The following CDYL variants were observed in gnomAD, a reference collection of about 807,000 sequenced individuals.
CDYL encodes the protein chromodomain Y like.
CDYL carries 8 observed loss-of-function variants against 47.3 expected under a neutral mutation model. The ratio of observed to expected loss-of-function variants is 0.17; its 90% confidence interval spans 0.10 to 0.31. The LOEUF (loss-of-function observed/expected upper bound fraction) is 0.31. CDYL is among the 10% of genes least tolerant of loss of function. The pLI, the probability that CDYL is intolerant of heterozygous loss-of-function variation, is 1.00. For synonymous variants in CDYL, 266 were observed against 265.0 expected (o/e 1.00, Z -0.04); for missense variants, 471 against 701.4 (o/e 0.67, Z 3.71).
intron 1 of CDYL, among the ~76,000 whole-genome samples, chr6:4,874,859 C>T (rs148562043): frequency 2.6e-5 from 4 of 152,158 alleles, no homozygotes; most frequent in Admixed American, 2.0e-4. Context: ...AGCATGGTGA[C>T]GTTTGGATTC....
At chr6:4,844,529 C>G (rs745894576) in intron 1 of CDYL, among the ~76,000 whole-genome samples, 5 of 152,196 alleles carry the variant, frequency 3.3e-5, no homozygotes, top group Admixed American at 1.3e-4. Context: ...CTGCTCTGTC[C>G]GTCCGAGTGG....
chr6:4,776,746 C>G lies in CDYL; in HGVS notation c.-38C>G, dbSNP rs762331792. ...GGCCGCCCGGCGCCGGCGCCCGCCC[C>G]GACCCTGCCCCTCCCGCCCGCAACT... On this transcript the variant is annotated 5_prime_UTR_variant, in exon 1 of 7. Coordinates refer to ENST00000397588, the MANE Select transcript of CDYL (RefSeq NM_004824.4). The G allele has an allele frequency of 1.2e-5, 14 of 1,161,072 alleles. No homozygotes were observed. Among genetic ancestry groups the G allele is most frequent in the South Asian group, 5.7e-5 (4 of 70,320 alleles). 71.9% of individuals were successfully genotyped at this position (1,161,072 alleles called of 1,614,324 possible).
intron 1 of CDYL, among the ~76,000 whole-genome samples, chr6:4,859,370 C>T (rs930280381): frequency 1.3e-5 from 2 of 151,994 alleles, no homozygotes; most frequent in African/African-American, 2.4e-5. Flanking sequence ...GTCAGCTGCC[C>T]GGGGTGCCTT....
chr6:4,831,169 G>A (rs1057470646), intron 1 of CDYL, among the ~76,000 whole-genome samples: 1 of 152,142 alleles, frequency 6.6e-6, no homozygotes, highest in Non-Finnish European at 1.5e-5. Context: ...GATCCCTGAG[G>A]AATTAATGCC....
intron 1 of CDYL, among the ~76,000 whole-genome samples, chr6:4,872,834 GTC>G (rs1761513309): frequency 1.3e-5 from 2 of 152,126 alleles, no homozygotes; most frequent in South Asian, 4.1e-4. Flanking sequence ...GTTCATCTTG[GTC>G]TCTATCCATT....
chr6:4,797,495 G>A (rs1369746878), intron 1 of CDYL, among the ~76,000 whole-genome samples: 3 of 150,802 alleles, frequency 2.0e-5, no homozygotes, highest in African/African-American at 7.3e-5. Flanking sequence ...TAGTTCACTG[G>A]TTTTTAGTGT....
intron 1 of CDYL, among the ~76,000 whole-genome samples, chr6:4,844,359 C>T (rs1222973028): frequency 3.3e-5 from 5 of 152,088 alleles, no homozygotes; most frequent in African/African-American, 7.2e-5. Context: ...CTAGAGCTCC[C>T]GGGAGATTAT....
chr6:4,736,659 C>CA (rs1554132867), intron 3 of CDYL, among the ~76,000 whole-genome samples: 2 of 144,612 alleles, frequency 1.4e-5, no homozygotes. Flanking sequence ...TGCTACTCAG[C>CA]TTTTTTTTTT....
At position 4,811,507 on chromosome 6, in the gene CDYL, A is replaced by G. The variant is rs116114668; in HGVS notation, c.24+34700A>G. 7.1e-3 allele frequency among the ~76,000 whole-genome samples: 1,079 copies of G among 152,302 alleles called. 12 individuals are homozygous for G. The highest frequency in any genetic ancestry group is 0.025 in the African/African-American group (1,044 of 41,556). On this transcript the variant is annotated intron_variant, in intron 1 of 6. Transcript: ENST00000397588. ...CTAGTTGGCCCTCTCTGTACTTAAC[A>G]TCATGAGGCTCCTAGAATTTAGTAA...
intron 3 of CDYL, among the ~76,000 whole-genome samples, chr6:4,761,910 T>C (rs4502986): frequency 0.18 from 26,791 of 152,140 alleles, 3,260 homozygotes; most frequent in African/African-American, 0.34. Flanking sequence ...GGAAAAGCAT[T>C]TTAAGAATCT....
At chr6:4,785,031 T>C (rs950778603) in intron 1 of CDYL, among the ~76,000 whole-genome samples, 3 of 152,202 alleles carry the variant, frequency 2.0e-5, no homozygotes, top group African/African-American at 4.8e-5. Context: ...CTTTATAAAT[T>C]ACCCGGTCTC....
At chr6:4,711,123 T>C (rs1411114032) in intron 1 of CDYL, among the ~76,000 whole-genome samples, 1 of 152,166 alleles carries the variant, frequency 6.6e-6, no homozygotes, top group Non-Finnish European at 1.5e-5. Context: ...CACCAGTCCA[T>C]GCACTTGTCT....
chr6:4,940,180 A>G (rs1758323566), intron 4 of CDYL, among the ~76,000 whole-genome samples: 1 of 152,054 alleles, frequency 6.6e-6, no homozygotes, highest in African/African-American at 2.4e-5. Context: ...CACTCTCCCT[A>G]CTCCACACAA....
chr6:4,851,108 G>A (rs1174673387), intron 1 of CDYL, among the ~76,000 whole-genome samples: 12 of 152,158 alleles, frequency 7.9e-5, no homozygotes, highest in Admixed American at 5.9e-4. Flanking sequence ...TGGCCTACAC[G>A]TTCCCTTTCA....
At chr6:4,823,906 C>A (rs1447483442) in intron 1 of CDYL, among the ~76,000 whole-genome samples, 1 of 152,212 alleles carries the variant, frequency 6.6e-6, no homozygotes, top group African/African-American at 2.4e-5. Context: ...TTCCCCCAGT[C>A]CCTGGAAATC....
intron 1 of CDYL, among the ~76,000 whole-genome samples, chr6:4,888,386 C>A (rs1761954463): frequency 6.6e-6 from 1 of 151,872 alleles, no homozygotes; most frequent in Admixed American, 6.6e-5. Flanking sequence ...TTGTATATTT[C>A]TAGGAATTTG....
intron 3 of CDYL, among the ~76,000 whole-genome samples, chr6:4,742,933 C>T (rs1757823129): frequency 6.6e-6 from 1 of 152,200 alleles, no homozygotes; most frequent in Admixed American, 6.6e-5. Flanking sequence ...TTTTTGCAGG[C>T]CAAGCTTGAG....
intron 2 of CDYL, chr6:4,724,380 G>A (rs1582282480): frequency 6.6e-6 from 1 of 152,148 alleles, no homozygotes; most frequent in South Asian, 2.1e-4. Flanking sequence ...CAAAGGTGAG[G>A]GTGTCTTTCG....
chr6:4,776,391 G>C (rs1758448781), upstream of CDYL: 9 of 145,608 alleles, frequency 6.2e-5, no homozygotes, highest in South Asian at 1.9e-3. Context: ...TCAGTAGCCG[G>C]GGCAGGTTTT....
Sources: allele counts gnomAD v4.1 joint callset (sites outside exome capture counted in the v4.1 genomes callset), GRCh38; gene constraint gnomAD v4.1.1; transcripts MANE v1.5; gene names NCBI Gene and HGNC (gene_info 2026-07-23, HGNC 2026-07-21).